The following GLB1 variants were observed in gnomAD, a reference collection of about 807,000 sequenced individuals.
The protein encoded by GLB1 is beta-galactosidase.
In GLB1, 56 loss-of-function variants were observed where a neutral mutation model predicts 74.0. That is an observed-to-expected ratio of 0.76 (90% CI 0.61 to 0.94). The LOEUF (loss-of-function observed/expected upper bound fraction) is 0.94, where lower values mean the gene tolerates loss of function less well. Among genes scored for constraint, GLB1 ranks in the 40% least tolerant of loss-of-function variants. The pLI is 0.00. For synonymous variants in GLB1, 323 were observed against 323.6 expected, an observed-to-expected ratio of 1.00 and a Z score of 0.02; for missense variants, 787 against 845.5, an observed-to-expected ratio of 0.93 and a Z score of 0.86.
chr3:33,040,826 A>G (rs1005216196), intron 10 of GLB1, among the ~76,000 whole-genome samples: 8 of 152,228 alleles, frequency 5.3e-5, no homozygotes, highest in African/African-American at 9.6e-5. Context: ...AAAGAAGAAC[A>G]TGTATACATA....
At chr3:33,036,567 T>C (rs1698285686) in intron 10 of GLB1, among the ~76,000 whole-genome samples, 1 of 152,212 alleles carries the variant, frequency 6.6e-6, no homozygotes, top group Admixed American at 6.5e-5. Context: ...TTGATATTTG[T>C]ACTCTGATGT....
intron 10 of GLB1, among the ~76,000 whole-genome samples, chr3:33,039,019 T>C (rs1205182251): frequency 6.6e-6 from 1 of 151,910 alleles, no homozygotes; most frequent in Non-Finnish European, 1.5e-5. Context: ...GGGCCGGGCG[T>C]AGTGGCTCAT....
chr3:33,077,177 G>A, intron 1 of GLB1: 1 of 1,467,480 alleles, frequency 6.8e-7, no homozygotes, highest in South Asian at 1.2e-5. Context: ...CTTTTGTGAA[G>A]CGGCAGCTGA....
chr3:33,006,330 C>T (rs567248375), intron 15 of GLB1, among the ~76,000 whole-genome samples: 6 of 152,258 alleles, frequency 3.9e-5, no homozygotes, highest in Admixed American at 1.3e-4. Flanking sequence ...ACTGCGCACG[C>T]GAGGGATATA....
chr3:33,083,154 T>C (rs577361607), intron 1 of GLB1, among the ~76,000 whole-genome samples: 3 of 151,964 alleles, frequency 2.0e-5, no homozygotes, highest in Non-Finnish European at 2.9e-5. Context: ...TCCCAGCACT[T>C]TGGGAGGCCG....
At chr3:32,987,039 T>C in the GLB1 span, among the ~76,000 whole-genome samples, 1 of 152,216 alleles carries the variant, frequency 6.6e-6, no homozygotes, top group Non-Finnish European at 1.5e-5. Flanking sequence ...AGTCCCCAGC[T>C]ACCATGAGCG....
the GLB1 span, among the ~76,000 whole-genome samples, chr3:32,988,045 G>T: frequency 6.6e-6 from 1 of 151,862 alleles, no homozygotes; most frequent in Non-Finnish European, 1.5e-5. Flanking sequence ...CAATTAGCTG[G>T]GTGTGGTGGT....
chr3:32,962,025 G>A, the GLB1 span, among the ~76,000 whole-genome samples: 13 of 152,128 alleles, frequency 8.5e-5, no homozygotes, highest in Admixed American at 2.0e-4. Context: ...GCGAAACCCC[G>A]TCTACTAAAA....
At chr3:32,981,392 T>TC in the GLB1 span, among the ~76,000 whole-genome samples, 19 of 98,120 alleles carry the variant, frequency 1.9e-4, no homozygotes, top group Middle Eastern at 9.4e-3. Flanking sequence ...AGAGTGAGAC[T>TC]CCATCTCAAA....
rs200259399 is a variant in GLB1, at chr3:33,044,748, TAAAAC to T, written c.1068+1367_1068+1371del. ...CTTAAAATTAAAACGACATCATACT[TAAAAC>T]AAAAAAAACCATACCATTTATAGGC... On this transcript the variant is annotated intron_variant, in intron 10 of 15. Coordinates refer to ENST00000307363, the MANE Select transcript of GLB1 (RefSeq NM_000404.4). 1.1e-3 allele frequency among the ~76,000 whole-genome samples: 161 copies of T among 152,232 alleles called. 2 individuals are homozygous for T. In the East Asian group the frequency reaches 0.027, roughly 25 times the overall value.
At chr3:32,973,831 T>C in the GLB1 span, among the ~76,000 whole-genome samples, 1 of 152,164 alleles carries the variant, frequency 6.6e-6, no homozygotes, top group East Asian at 1.9e-4. Context: ...GGATTAAGCA[T>C]CTTTGAGGAC....
chr3:33,054,294 C>A (rs992289917), intron 6 of GLB1, among the ~76,000 whole-genome samples: 5 of 152,164 alleles, frequency 3.3e-5, no homozygotes, highest in South Asian at 2.1e-4. Flanking sequence ...TCCCTTCCCA[C>A]ACCCCATGGG....
chr3:32,976,135 A>G, the GLB1 span, among the ~76,000 whole-genome samples: 6 of 152,254 alleles, frequency 3.9e-5, no homozygotes, highest in Admixed American at 3.9e-4. Flanking sequence ...CTGTAACTGC[A>G]TCCTGTCTGG....
intron 6 of GLB1, among the ~76,000 whole-genome samples, chr3:33,055,734 T>TG (rs1340400665): frequency 6.6e-6 from 1 of 151,208 alleles, no homozygotes; most frequent in Non-Finnish European, 1.5e-5. Flanking sequence ...CCCAAACTGC[T>TG]GGGATTACAG....
intron 1 of GLB1, chr3:33,092,204 T>C (rs1700794036): frequency 3.0e-6 from 3 of 985,840 alleles, no homozygotes; most frequent in Non-Finnish European, 3.6e-6. Flanking sequence ...GACAGTTAAA[T>C]AGCATCCCTC....
In GLB1 at chr3:33,000,115, C is replaced by G. The variant is rs142813921; in HGVS notation, c.1735-2771G>C. On this transcript the variant is annotated intron_variant, in intron 15 of 15. Coordinates refer to ENST00000307363, the MANE Select transcript of GLB1 (RefSeq NM_000404.4). Reference sequence around the variant, plus strand: ...CCACCATGCCTGGCTAATTTTTGTACTTTTTTAGAGATGAGGTTTCGCCAT... The same window carrying G: ...CCACCATGCCTGGCTAATTTTTGTAGTTTTTTAGAGATGAGGTTTCGCCAT... Among the ~76,000 whole-genome samples the G allele has an allele frequency of 2.8e-5, 4 of 144,464 alleles. No homozygotes were observed. In the East Asian group the frequency reaches 8.5e-4, roughly 31 times the overall value. The allele number at this position is 144,464 out of a possible 152,430, so 94.8% of individuals were successfully genotyped here.
chr3:33,016,298 T>C (rs1004336413), intron 14 of GLB1, among the ~76,000 whole-genome samples: 1 of 152,226 alleles, frequency 6.6e-6, no homozygotes, highest in African/African-American at 2.4e-5. Flanking sequence ...GGAAAGGTTC[T>C]GTTTGCAAAG....
the GLB1 span, among the ~76,000 whole-genome samples, chr3:32,970,281 C>T: frequency 4.6e-5 from 7 of 152,274 alleles, no homozygotes; most frequent in South Asian, 2.1e-4. Flanking sequence ...AAGAAACTCA[C>T]GGTGGAATCA....
chr3:33,087,860 C>T lies in GLB1; in HGVS notation c.75+9151G>A, dbSNP rs143613495. On this transcript the variant is annotated intron_variant, in intron 1 of 15. Transcript: ENST00000307363. ...TGAATATTGATGCAAAAATCCTCAA[C>T]AAAATACTAGCAAACTGAATTCAAC... Among the ~76,000 whole-genome samples the T allele has an allele frequency of 5.4e-5, 7 of 129,726 alleles. No individual in the cohort carries two copies. In the East Asian group the frequency reaches 1.8e-3, roughly 34 times the overall value. The allele number at this position is 129,726 out of a possible 152,430, so 85.1% of individuals were successfully genotyped here. A position where few individuals can be genotyped will look rare whatever the true frequency, so the allele number is the denominator to read the frequency against.
Sources: gnomAD v4.1 joint callset for allele counts (sites outside exome capture counted in the v4.1 genomes callset) on GRCh38, gnomAD v4.1.1 for gene constraint, MANE v1.5 for transcripts, NCBI Gene and HGNC (gene_info 2026-07-23, HGNC 2026-07-21) for gene names.